Variants in PTPRM observed in about 807,000 individuals in gnomAD.
PTPRM encodes protein tyrosine phosphatase receptor type M.
A neutral mutation model predicts 186.7 loss-of-function variants in PTPRM; 47 were observed. The ratio of observed to expected loss-of-function variants is 0.25; its 90% CI spans 0.20 to 0.32. The LOEUF (loss-of-function observed/expected upper bound fraction) is 0.32, where lower values mean the gene tolerates loss of function less well. Ranked by LOEUF, PTPRM falls within the 10% of genes least tolerant of loss-of-function variation. The pLI is 1.00. For synonymous variants in PTPRM, 668 were observed against 674.9 expected, an observed-to-expected ratio of 0.99 and a Z score of 0.16; for missense variants, 1,494 against 1,865.0, an observed-to-expected ratio of 0.80 and a Z score of 3.66.
intron 1 of PTPRM, among the ~76,000 whole-genome samples, chr18:7,738,858 A>C (rs879299751): frequency 2.4e-4 from 36 of 152,074 alleles, no homozygotes; most frequent in Admixed American, 3.9e-4. Flanking sequence ...TTTTTGGTGT[A>C]TCTCATCGAT....
chr18:8,185,615 G>A (rs983055224), intron 14 of PTPRM, among the ~76,000 whole-genome samples: 13 of 152,194 alleles, frequency 8.5e-5, no homozygotes, highest in African/African-American at 2.9e-4. Context: ...CGTACAGAGC[G>A]ATTTGAACTG....
chr18:7,928,022 G>C (rs1169600739), intron 5 of PTPRM, among the ~76,000 whole-genome samples: 1 of 152,200 alleles, frequency 6.6e-6, no homozygotes, highest in African/African-American at 2.4e-5. Context: ...GATTACAGGT[G>C]TGAGCCACTG....
chr18:8,262,554 C>T (rs1459107961), intron 19 of PTPRM, among the ~76,000 whole-genome samples: 4 of 152,156 alleles, frequency 2.6e-5, no homozygotes, highest in Admixed American at 1.3e-4. Flanking sequence ...TCTGCCTGGC[C>T]GTGACTTCAG....
chr18:7,588,541 A>G (rs2037041111), intron 1 of PTPRM, among the ~76,000 whole-genome samples: 1 of 152,220 alleles, frequency 6.6e-6, no homozygotes, highest in Non-Finnish European at 1.5e-5. Flanking sequence ...TTTGGAAAGC[A>G]TTGCAATTAT....
At chr18:8,219,323 C>A (rs943262254) in intron 14 of PTPRM, among the ~76,000 whole-genome samples, 1 of 151,996 alleles carries the variant, frequency 6.6e-6, no homozygotes, top group Non-Finnish European at 1.5e-5. Context: ...AAAAATTAGC[C>A]GGGCGTGGTG....
At chr18:8,396,124 A>G (rs1198263268) in intron 32 of PTPRM, among the ~76,000 whole-genome samples, 2 of 152,204 alleles carry the variant, frequency 1.3e-5, no homozygotes, top group East Asian at 1.9e-4. Context: ...CCTCCCTGCA[A>G]TCCCACCTGA....
At chr18:8,244,255 G>T in intron 15 of PTPRM, 46 bp downstream of exon 15, 1 of 1,456,236 alleles carries the variant, frequency 6.9e-7, no homozygotes, top group Non-Finnish European at 9.1e-7. Flanking sequence ...CCTTGGTTTT[G>T]CAAGATTCCA....
At chr18:7,768,345 TA>T (rs1388925067) in intron 1 of PTPRM, among the ~76,000 whole-genome samples, 1 of 152,056 alleles carries the variant, frequency 6.6e-6, no homozygotes, top group Non-Finnish European at 1.5e-5. Context: ...AAAAAAAATT[TA>T]GCTAGGCAAG....
At chr18:8,263,076 C>T (rs1448945065) in intron 19 of PTPRM, among the ~76,000 whole-genome samples, 1 of 151,996 alleles carries the variant, frequency 6.6e-6, no homozygotes, top group South Asian at 2.1e-4. Flanking sequence ...GGTCATTTTA[C>T]TTATTGAAAG....
At chr18:8,045,431 A>G (rs373871073) in intron 7 of PTPRM, among the ~76,000 whole-genome samples, 2 of 152,344 alleles carry the variant, frequency 1.3e-5, no homozygotes, top group African/African-American at 2.4e-5. Context: ...TCATCAACTG[A>G]TGAATGGCTT....
chr18:7,612,500 A>G (rs749833764), intron 1 of PTPRM, among the ~76,000 whole-genome samples: 9 of 152,114 alleles, frequency 5.9e-5, no homozygotes, highest in Admixed American at 2.6e-4. Context: ...CTGTCTCTCA[A>G]TTGTTCCACG....
intron 1 of PTPRM, among the ~76,000 whole-genome samples, chr18:7,602,022 G>A (rs927448106): frequency 2.0e-5 from 3 of 152,186 alleles, no homozygotes; most frequent in Admixed American, 6.5e-5. Context: ...GGAGAAAGGT[G>A]CCACCATTAT....
intron 1 of PTPRM, among the ~76,000 whole-genome samples, chr18:7,648,142 C>T (rs537921884): frequency 2.0e-4 from 31 of 152,110 alleles, no homozygotes; most frequent in Admixed American, 8.5e-4. Flanking sequence ...GTATCTGTTA[C>T]GGTGATCTGT....
At chr18:8,257,189 C>T (rs55914314) in intron 19 of PTPRM, among the ~76,000 whole-genome samples, 72,307 of 151,944 alleles carry the variant, frequency 0.48, 17,415 homozygotes, top group Admixed American at 0.56. Context: ...TGAGTGGGAG[C>T]TGACCAAGAG....
intron 2 of PTPRM, among the ~76,000 whole-genome samples, chr18:7,808,999 C>T (rs534533917): frequency 2.3e-3 from 353 of 152,302 alleles, no homozygotes; most frequent in African/African-American, 8.1e-3. Context: ...GGAGTACCTG[C>T]TCTAAGTCAG....
intron 3 of PTPRM, among the ~76,000 whole-genome samples, chr18:7,905,256 G>T (rs1010121821): frequency 6.6e-6 from 1 of 152,162 alleles, no homozygotes; most frequent in South Asian, 2.1e-4. Flanking sequence ...GCCTCCCAAA[G>T]TGCTGGGTTT....
chr18:8,193,583 C>T (rs2093736577), intron 14 of PTPRM, among the ~76,000 whole-genome samples: 1 of 152,236 alleles, frequency 6.6e-6, no homozygotes, highest in Non-Finnish European at 1.5e-5. Context: ...CCCACAGGGG[C>T]CTCTCGCGCA....
chr18:7,867,269 G>A (rs748462930), intron 2 of PTPRM, among the ~76,000 whole-genome samples: 3 of 152,066 alleles, frequency 2.0e-5, no homozygotes, highest in African/African-American at 7.3e-5. Flanking sequence ...TTGCCTGTTA[G>A]TTAATGCAAT....
At chr18:7,670,888 A>C (rs1337892416) in intron 1 of PTPRM, among the ~76,000 whole-genome samples, 1 of 152,230 alleles carries the variant, frequency 6.6e-6, no homozygotes, top group Non-Finnish European at 1.5e-5. Context: ...TGTAATAGAC[A>C]CTGAGAATCC....
Sources: gnomAD v4.1 joint callset for allele counts (sites outside exome capture counted in the v4.1 genomes callset) on GRCh38, gnomAD v4.1.1 for gene constraint, MANE v1.5 for transcripts, NCBI Gene and HGNC (gene_info 2026-07-23, HGNC 2026-07-21) for gene names.